CTNNA3: variants seen among roughly 807,000 people sequenced by gnomAD.
CTNNA3 encodes the protein catenin alpha 3.
A neutral mutation model predicts 95.7 loss-of-function variants in CTNNA3; 76 were observed. The observed-to-expected ratio is 0.79, with a 90% CI of 0.66 to 0.96. CTNNA3 has a LOEUF of 0.96. CTNNA3 is among the 40% of genes least tolerant of loss of function. CTNNA3 has a pLI of 0.00. For synonymous variants in CTNNA3, 431 were observed against 374.4 expected (o/e 1.15, Z -1.74); for missense variants, 1,191 against 1,089.8 (o/e 1.09, Z -1.31).
At chr10:67,618,020 T>C (rs1057336775) in intron 2 of CTNNA3, among the ~76,000 whole-genome samples, 28 of 152,120 alleles carry the variant, frequency 1.8e-4, no homozygotes, top group African/African-American at 6.5e-4. Flanking sequence ...TATAAAGATA[T>C]TAAATTAAGC....
intron 3 of CTNNA3, among the ~76,000 whole-genome samples, chr10:67,558,518 C>T (rs922130456): frequency 1.3e-5 from 2 of 152,164 alleles, no homozygotes; most frequent in African/African-American, 2.4e-5. Flanking sequence ...CCAAGATGGC[C>T]GAATAGGAAC....
chr10:66,464,767 T>TAAA (rs58971885), intron 11 of CTNNA3, among the ~76,000 whole-genome samples: 9 of 138,040 alleles, frequency 6.5e-5, no homozygotes, highest in East Asian at 6.1e-4. Context: ...TCTCAAAAAA[T>TAAA]AAAAAAAAAA....
intron 7 of CTNNA3, among the ~76,000 whole-genome samples, chr10:66,985,973 G>A (rs1396862246): frequency 6.6e-6 from 1 of 152,024 alleles, no homozygotes; most frequent in African/African-American, 2.4e-5. Context: ...TGATCCTCTG[G>A]CCTTGGCCTC....
At chr10:66,980,516 C>A (rs1373886198) in intron 7 of CTNNA3, among the ~76,000 whole-genome samples, 1 of 127,808 alleles carries the variant, frequency 7.8e-6, no homozygotes, top group Non-Finnish European at 1.7e-5. Context: ...CTTCTGTTTC[C>A]CAAGCAAAAA....
intron 5 of CTNNA3, among the ~76,000 whole-genome samples, chr10:67,480,168 A>G (rs1848166249): frequency 6.6e-6 from 1 of 152,118 alleles, no homozygotes; most frequent in African/African-American, 2.4e-5. Context: ...TACAAAGAAG[A>G]GTTTATAGCA....
At chr10:67,391,790 A>G (rs1352134542) in intron 5 of CTNNA3, among the ~76,000 whole-genome samples, 1 of 151,054 alleles carries the variant, frequency 6.6e-6, no homozygotes, top group Non-Finnish European at 1.5e-5. Context: ...ACCTGAGAAA[A>G]ACAAGCAATG....
intron 9 of CTNNA3, among the ~76,000 whole-genome samples, chr10:66,701,955 A>G (rs10822895): frequency 0.17 from 26,193 of 152,102 alleles, 2,799 homozygotes; most frequent in East Asian, 0.34. Context: ...AAAAAATTGT[A>G]TATTTTAAAT....
chr10:66,019,735 TA>T lies in CTNNA3; in HGVS notation c.2160-30939del, dbSNP rs2079163214. Among the ~76,000 whole-genome samples the T allele has an allele frequency of 2.0e-5, 3 of 150,938 alleles. No individual in the cohort carries two copies. In the South Asian group the frequency reaches 6.3e-4, roughly 32 times the overall value. On this transcript the variant is annotated intron_variant, in intron 15 of 17. Coordinates refer to ENST00000433211, the MANE Select transcript of CTNNA3 (RefSeq NM_013266.4). ...AAATAAAAGAAATGGGCAAAAAAAA[TA>T]GTTAAAAAATTGCTTAGTGTAGTTT...
At chr10:65,982,179 TA>T (rs2078333425) in intron 16 of CTNNA3, among the ~76,000 whole-genome samples, 1 of 149,270 alleles carries the variant, frequency 6.7e-6, no homozygotes, top group South Asian at 2.1e-4. Context: ...AAAAGTGGGC[TA>T]AGGACATGAA....
chr10:67,399,646 A>C (rs1293144759), intron 5 of CTNNA3, among the ~76,000 whole-genome samples: 1 of 152,116 alleles, frequency 6.6e-6, no homozygotes, highest in African/African-American at 2.4e-5. Context: ...TTCACCACCC[A>C]ACTCACATCC....
At chr10:65,988,032 A>C (rs2078463477) in intron 16 of CTNNA3, among the ~76,000 whole-genome samples, 2 of 152,102 alleles carry the variant, frequency 1.3e-5, no homozygotes, top group African/African-American at 2.4e-5. Context: ...GGCAGGGAAG[A>C]GTAGCGGAGA....
rs530820101 is a variant in CTNNA3 at position 66,346,103 on chromosome 10, T to G, written c.1732+33049A>C. On this transcript the variant is annotated intron_variant, in intron 12 of 17. Transcript: ENST00000433211. ...AAAAAAAAAAAAAAAAAAAGAATAT[T>G]TAGTTGGAAACCATTGCCTTCTGTT... Among the ~76,000 whole-genome samples the G allele has an allele frequency of 3.2e-3, 477 of 150,130 alleles. 9 individuals are homozygous for G. Among genetic ancestry groups the G allele is most frequent in the Non-Finnish European group, 5.0e-3 (336 of 67,452 alleles).
chr10:67,748,698 G>T (rs984817808), intron 1 of CTNNA3, among the ~76,000 whole-genome samples: 5 of 152,124 alleles, frequency 3.3e-5, no homozygotes, highest in Non-Finnish European at 1.5e-5. Flanking sequence ...GCATCAACTA[G>T]TCTGCAAAAT....
intron 9 of CTNNA3, among the ~76,000 whole-genome samples, chr10:66,644,300 CTCTCTCTATA>C (rs1265574566): frequency 2.1e-5 from 2 of 93,590 alleles, no homozygotes; most frequent in Admixed American, 1.0e-4. Flanking sequence ...CTGTCTCTCT[CTCTCTCTATA>C]TATATATATA....
chr10:67,702,353 A>C (rs1009710181), intron 1 of CTNNA3, among the ~76,000 whole-genome samples: 34 of 152,228 alleles, frequency 2.2e-4, no homozygotes, highest in Admixed American at 5.2e-4. Flanking sequence ...ACACCTATTC[A>C]AAAATTGACC....
intron 5 of CTNNA3, among the ~76,000 whole-genome samples, chr10:67,494,376 T>C (rs1261240218): frequency 6.6e-6 from 1 of 152,216 alleles, no homozygotes; most frequent in Non-Finnish European, 1.5e-5. Flanking sequence ...AATATCTCAT[T>C]ATTTCTTTAA....
chr10:67,247,271 C>T (rs2132347495), intron 5 of CTNNA3, among the ~76,000 whole-genome samples: 1 of 152,252 alleles, frequency 6.6e-6, no homozygotes, highest in African/African-American at 2.4e-5. Flanking sequence ...ACACTCCCCG[C>T]TGAAAACAGT....
intron 2 of CTNNA3, among the ~76,000 whole-genome samples, chr10:67,620,162 C>T (rs1024779248): frequency 3.9e-5 from 6 of 152,092 alleles, no homozygotes; most frequent in African/African-American, 1.4e-4. Context: ...CATCAAGGGC[C>T]AAAGTGGGGT....
intron 16 of CTNNA3, among the ~76,000 whole-genome samples, chr10:65,986,503 T>C (rs1320960990): frequency 1.3e-5 from 2 of 151,178 alleles, no homozygotes; most frequent in African/African-American, 4.8e-5. Flanking sequence ...GAAATCAATA[T>C]AACTAAAGAG....
Sources: gnomAD v4.1 joint callset for allele counts (sites outside exome capture counted in the v4.1 genomes callset) on GRCh38, gnomAD v4.1.1 for gene constraint, MANE v1.5 for transcripts, NCBI Gene and HGNC (gene_info 2026-07-23, HGNC 2026-07-21) for gene names.